Variants in WFDC5 observed in about 807,000 individuals in gnomAD.
WFDC5 encodes WAP four-disulfide core domain 5.
In WFDC5, 15 loss-of-function variants were observed where a neutral mutation model predicts 15.7. The ratio of observed to expected loss-of-function variants is 0.96; its 90% CI spans 0.64 to 1.47. WFDC5 has a LOEUF of 1.47. Ranked by LOEUF, WFDC5 falls within the 40% of genes most tolerant of loss-of-function variation. WFDC5 has a pLI of 0.00. For synonymous variants in WFDC5, 109 were observed against 107.7 expected, an observed-to-expected ratio of 1.01 and a Z score of -0.07; for missense variants, 280 against 258.0, an observed-to-expected ratio of 1.09 and a Z score of -0.59.
At chr20:45,111,436 G>A (rs370059998) in intron 1 of WFDC5, among the ~76,000 whole-genome samples, 13 of 152,324 alleles carry the variant, frequency 8.5e-5, no homozygotes, top group South Asian at 2.1e-4. Context: ...AGCCCTTGGC[G>A]CACAGCAGTA....
intron 1 of WFDC5, among the ~76,000 whole-genome samples, chr20:45,114,218 A>G (rs376693144): frequency 6.6e-6 from 1 of 152,224 alleles, no homozygotes. Flanking sequence ...TCTTTAAGGC[A>G]GGGCAAGGGT....
At chr20:45,111,270 C>A in intron 1 of WFDC5, among the ~76,000 whole-genome samples, 1 of 148,586 alleles carries the variant, frequency 6.7e-6, no homozygotes, top group Non-Finnish European at 1.5e-5. Flanking sequence ...CCCACATTAA[C>A]TAGGTCAGCG....
intron 1 of WFDC5, among the ~76,000 whole-genome samples, chr20:45,113,265 AAACT>A (rs1387203946): frequency 6.6e-6 from 1 of 152,204 alleles, no homozygotes; most frequent in East Asian, 1.9e-4. Flanking sequence ...CACAGGCAAC[AAACT>A]GAGACTTCCC....
At chr20:45,114,871 G>T in intron 1 of WFDC5, 128 bp downstream of exon 1, 1 of 877,420 alleles carries the variant, frequency 1.1e-6, no homozygotes, top group South Asian at 1.7e-5. Context: ...ATACACACAC[G>T]CACGCACGCA....
chr20:45,114,775 A>T (rs2145528585), intron 1 of WFDC5, among the ~76,000 whole-genome samples: 1 of 152,032 alleles, frequency 6.6e-6, no homozygotes, highest in South Asian at 2.1e-4. Flanking sequence ...ACACTTACAG[A>T]TACCAACACA....
intron 1 of WFDC5, among the ~76,000 whole-genome samples, chr20:45,112,150 AAG>A (rs1193774701): frequency 6.6e-6 from 1 of 151,894 alleles, no homozygotes; most frequent in African/African-American, 2.4e-5. Flanking sequence ...GAGGGGGAAA[AAG>A]TGTGGGTTTG....
intron 1 of WFDC5, 25 bp downstream of exon 1, chr20:45,114,974 C>G (rs769834623): frequency 6.8e-6 from 11 of 1,611,090 alleles, no homozygotes; most frequent in Non-Finnish European, 8.5e-6. Flanking sequence ...CTGGTCCCCC[C>G]AGCAGAGGGA....
intron 1 of WFDC5, among the ~76,000 whole-genome samples, chr20:45,112,368 C>A (rs2145526622): frequency 6.6e-6 from 1 of 152,226 alleles, no homozygotes; most frequent in Non-Finnish European, 1.5e-5. Context: ...GGGGAATGGA[C>A]AGATAGGGAT....
rs143204666 is a variant in WFDC5 at position 45,113,933 on chromosome 20, T to C, written c.85+1066A>G. Among the ~76,000 whole-genome samples, 572 of 152,292 alleles carry C rather than the reference T, an allele frequency of 3.8e-3. 3 individuals carry two copies. Among genetic ancestry groups the C allele is most frequent in the African/African-American group, 0.013 (541 of 41,516 alleles). ...GTACAGTCCTGGGTTTTTGCTGTAA[T>C]AGTTGGTAAGGTGAATCTTTCTGAT... On this transcript the variant is annotated intron_variant, in intron 1 of 3. Coordinates refer to ENST00000307971, the Ensembl canonical transcript of WFDC5.
exon 4 of WFDC5, chr20:45,109,933 G>C (rs1291297406): frequency 6.2e-7 from 1 of 1,603,890 alleles, no homozygotes; most frequent in East Asian, 2.2e-5. Flanking sequence ...CAGCGGGCAG[G>C]GCCCCAGGCC....
exon 3 of WFDC5, chr20:45,110,416 G>A: frequency 6.2e-7 from 1 of 1,606,406 alleles, no homozygotes; most frequent in Admixed American, 1.7e-5. Flanking sequence ...CAGGATCCCG[G>A]CAATCCCGCC....
Position 45,114,308 on chromosome 20 carries a change from C to T in WFDC5, c.85+691G>A, listed in dbSNP as rs6032001. ...AGGCCTCACCCAGATCAGGAGTCAC[C>T]TGTCTAGCCACTCAGCAGCCCTCCC... On this transcript the variant is annotated intron_variant, in intron 1 of 3. Coordinates refer to ENST00000307971, the Ensembl canonical transcript of WFDC5. 4.4e-3 allele frequency among the ~76,000 whole-genome samples: 671 copies of T among 152,296 alleles called. 1 individual carries two copies. The highest frequency in any genetic ancestry group is 0.015 in the African/African-American group (643 of 41,560).
chr20:45,114,915 T>C, intron 1 of WFDC5, 84 bp downstream of exon 1: 1 of 1,471,482 alleles, frequency 6.8e-7, no homozygotes, highest in Non-Finnish European at 9.3e-7. Context: ...CACAGGGCAT[T>C]ACCTGCCTTC....
chr20:45,109,997 C>T lies in WFDC5; in HGVS notation c.410G>A (p.Gly137Glu), dbSNP rs954081033. The change falls in exon 4 of 4, where the codon GGA becomes GAA. Residue 137 changes from glycine to glutamate, a missense_variant. Coordinates refer to ENST00000307971, the Ensembl canonical transcript of WFDC5. ...CCAGCTTAGGTGCAGAGCCACAGATCCTAAATCAGAATTAGCCTGAGGAGG... is the reference window on the plus strand; with the variant it reads ...CCAGCTTAGGTGCAGAGCCACAGATTCTAAATCAGAATTAGCCTGAGGAGG... 3 of 1,613,804 alleles carry T rather than the reference C, an allele frequency of 1.9e-6. No homozygotes were observed. In the African/African-American group the frequency reaches 4.0e-5, roughly 22 times the overall value.
chr20:45,115,459 G>C (rs562325161), upstream of WFDC5, among the ~76,000 whole-genome samples: 3 of 152,302 alleles, frequency 2.0e-5, no homozygotes, highest in African/African-American at 4.8e-5. Flanking sequence ...CCCCAGCGAT[G>C]TCTAGGCAGC....
At position 45,110,421 on chromosome 20, in the gene WFDC5, C is replaced by G. The variant is rs757898784; in HGVS notation, c.346G>C (p.Asp116His). Reference sequence around the variant, plus strand: ...GTACCTCTGGCAGGATCCCGGCAATCCCGCCCGCAGGCGCTGTGGCAGCAT... The same window carrying G: ...GTACCTCTGGCAGGATCCCGGCAATGCCGCCCGCAGGCGCTGTGGCAGCAT... The change falls in exon 3 of 4, where the codon GAT (aspartate) becomes CAT (histidine). Residue 116 changes from aspartate to histidine, a missense_variant. Asp to His is a moderately conservative substitution (Grantham distance 81). Coordinates refer to ENST00000307971, the Ensembl canonical transcript of WFDC5. The G allele has an allele frequency of 1.2e-6, 2 of 1,608,500 alleles. No individual in the cohort carries two copies. Among genetic ancestry groups the G allele is most frequent in the East Asian group, 4.5e-5 (2 of 44,736 alleles).
At chr20:45,114,744 A>G (rs1176877107) in intron 1 of WFDC5, among the ~76,000 whole-genome samples, 1 of 151,998 alleles carries the variant, frequency 6.6e-6, no homozygotes, top group Non-Finnish European at 1.5e-5. Context: ...ACAGACAAGC[A>G]CCGAGAAACT....
chr20:45,114,592 C>T (rs1489815292), intron 1 of WFDC5, among the ~76,000 whole-genome samples: 1 of 152,006 alleles, frequency 6.6e-6, no homozygotes, highest in African/African-American at 2.4e-5. Flanking sequence ...AGGCACCAAG[C>T]TCAGACACAT....
chr20:45,114,730 A>G (rs750846821), intron 1 of WFDC5, among the ~76,000 whole-genome samples: 1 of 152,044 alleles, frequency 6.6e-6, no homozygotes, highest in African/African-American at 2.4e-5. Context: ...ACATATAGAC[A>G]GGCACAGACA....
Sources: allele counts gnomAD v4.1 joint callset (sites outside exome capture counted in the v4.1 genomes callset), GRCh38; gene constraint gnomAD v4.1.1; transcripts MANE v1.5; gene names NCBI Gene and HGNC (gene_info 2026-07-23, HGNC 2026-07-21).